The following ZWILCH variants were observed in gnomAD, a reference collection of about 807,000 sequenced individuals.
ZWILCH encodes zwilch kinetochore protein, also known as protein zwilch homolog.
Under a neutral mutation model 79.9 loss-of-function variants are expected in ZWILCH, and 74 were observed. The ratio of observed to expected loss-of-function variants is 0.93; its 90% CI spans 0.77 to 1.12. The LOEUF is 1.12. Ranked by LOEUF, ZWILCH falls within the 50% of genes most tolerant of loss-of-function variation. ZWILCH has a pLI of 0.00. For missense variants in ZWILCH, 694 were observed against 687.5 expected, an observed-to-expected ratio of 1.01 and a Z score of -0.11; for synonymous variants, 241 against 228.2, an observed-to-expected ratio of 1.06 and a Z score of -0.51.
chr15:66,523,453 A>C, intron 7 of ZWILCH: 1 of 424,430 alleles, frequency 2.4e-6, no homozygotes, highest in Non-Finnish European at 4.2e-6. Context: ...TGTTTATGTC[A>C]TAGAAAGAGG....
chr15:66,534,930 C>G (rs1487051839), intron 14 of ZWILCH, among the ~76,000 whole-genome samples: 1 of 152,062 alleles, frequency 6.6e-6, no homozygotes, highest in African/African-American at 2.4e-5. Context: ...TTAAATTTTT[C>G]TAAACTTTTT....
At position 66,549,078 on chromosome 15, in the gene ZWILCH, T is replaced by C. The variant is rs1895494663; in HGVS notation, c.*754T>C. The C allele has an allele frequency of 6.5e-6, 1 of 152,758 alleles. No individual in the cohort carries two copies. 9.5% of individuals were successfully genotyped at this position (152,758 alleles called of 1,614,324 possible). ...CTTGTATAGTTAAATAATAATCTTT[T>C]TAAGAGTTAATGATAAGCATATGTT... On this transcript the variant is annotated 3_prime_UTR_variant, in exon 19 of 19. Coordinates refer to ENST00000307897, the MANE Select transcript of ZWILCH (RefSeq NM_017975.5).
intron 2 of ZWILCH, among the ~76,000 whole-genome samples, chr15:66,510,447 C>T (rs1016498605): frequency 4.6e-5 from 7 of 150,544 alleles, no homozygotes; most frequent in African/African-American, 1.5e-4. Flanking sequence ...AGGCAAAGGA[C>T]ACGAGTAAGT....
Position 66,515,627 on chromosome 15 carries a change from A to T in ZWILCH, c.303A>T (p.Leu101Phe), listed in dbSNP as rs918564740. 1.2e-6 allele frequency: 2 copies of T among 1,612,660 alleles called. No individual in the cohort carries two copies. The highest frequency in any genetic ancestry group is 1.7e-6 in the Non-Finnish European group (2 of 1,179,106). Reference protein sequence around the residue: ...STGENVGPLALPVGKARQLIG... With the variant: ...STGENVGPLAFPVGKARQLIG... ...GCGAAAATGTTGGACCACTTGCTTTACCAGTTGGGAAGGCAAGGTAGGTTT... is the reference window on the plus strand; with the variant it reads ...GCGAAAATGTTGGACCACTTGCTTTTCCAGTTGGGAAGGCAAGGTAGGTTT... Residue 101 changes from leucine (L) to phenylalanine (F), a missense_variant, in exon 4 of 19, where the codon TTA becomes TTT. By Grantham distance (22) the Leu-to-Phe change is conservative. Transcript: ENST00000307897.
chr15:66,506,552 C>A (rs144186226), intron 1 of ZWILCH, among the ~76,000 whole-genome samples: 488 of 152,182 alleles, frequency 3.2e-3, no homozygotes, highest in South Asian at 0.015. Flanking sequence ...ACCTGTAATC[C>A]CAGCTACTTG....
chr15:66,521,108 C>G lies in ZWILCH; in HGVS notation c.650C>G (p.Thr217Arg), dbSNP rs140389510. The G allele has an allele frequency of 1.5e-3, 2,401 of 1,614,150 alleles. 13 individuals are homozygous for G. Among genetic ancestry groups the G allele is most frequent in the Non-Finnish European group, 1.2e-3 (1,465 of 1,180,026 alleles). The change falls in exon 7 of 19, where the codon ACA becomes AGA. Residue 217 changes from threonine to arginine, a missense_variant. Coordinates refer to ENST00000307897, the MANE Select transcript of ZWILCH (RefSeq NM_017975.5). ...TTTAAGTCCTCTGCCTTGGATGATACAATCACAGCATCACAAACTGCGATC... is the reference window on the plus strand; with the variant it reads ...TTTAAGTCCTCTGCCTTGGATGATAGAATCACAGCATCACAAACTGCGATC... The part of the protein sequence containing the change: ...ELFKSSALDD[T>R]ITASQTAIAL...
At chr15:66,538,993 C>G (rs1244016891) in intron 16 of ZWILCH, among the ~76,000 whole-genome samples, 1 of 152,100 alleles carries the variant, frequency 6.6e-6, no homozygotes, top group Non-Finnish European at 1.5e-5. Flanking sequence ...AGCTTCAGAC[C>G]CATCTTTCTA....
chr15:66,541,989 TAA>T (rs902628276), intron 17 of ZWILCH, among the ~76,000 whole-genome samples: 35 of 152,206 alleles, frequency 2.3e-4, no homozygotes, highest in African/African-American at 7.5e-4. Context: ...AGTTGAACTA[TAA>T]AAGTCATAAC....
chr15:66,518,561 C>T (rs966670839), intron 4 of ZWILCH, among the ~76,000 whole-genome samples: 6 of 152,112 alleles, frequency 3.9e-5, no homozygotes, highest in African/African-American at 1.2e-4. Flanking sequence ...GCCTATAATC[C>T]CAACACTTTG....
At chr15:66,512,181 T>G (rs1484814407) in intron 2 of ZWILCH, among the ~76,000 whole-genome samples, 2 of 152,196 alleles carry the variant, frequency 1.3e-5, no homozygotes, top group African/African-American at 2.4e-5. Context: ...ACACAGACAT[T>G]CATGATATAA....
chr15:66,537,290 G>A (rs768323878), intron 16 of ZWILCH, 27 bp downstream of exon 16: 2 of 1,519,296 alleles, frequency 1.3e-6, no homozygotes, highest in East Asian at 4.5e-5. Context: ...AGGCATGGTG[G>A]CTCATGCCTG....
At chr15:66,509,460 T>C (rs1893946875) in intron 2 of ZWILCH, among the ~76,000 whole-genome samples, 1 of 152,170 alleles carries the variant, frequency 6.6e-6, no homozygotes, top group Non-Finnish European at 1.5e-5. Flanking sequence ...TCAATTAGTA[T>C]AATGCATTTA....
rs545912418 is a variant in ZWILCH at position 66,541,115 on chromosome 15, C to CAA, written c.1687+918_1687+919dup. ...GCAACATGGAGAAACCCCATCTCTA[C>CAA]AAAAAAAAAAAAAATACAAAAATTA... On this transcript the variant is annotated intron_variant, in intron 17 of 18. Coordinates refer to ENST00000307897, the MANE Select transcript of ZWILCH (RefSeq NM_017975.5). 5.4e-3 allele frequency among the ~76,000 whole-genome samples: 641 copies of CAA among 118,538 alleles called. 4 individuals carry two copies. Among genetic ancestry groups the CAA allele is most frequent in the African/African-American group, 0.019 (609 of 32,366 alleles). 77.8% of individuals were successfully genotyped at this position (118,538 alleles called of 152,430 possible).
At chr15:66,532,715 G>T (rs1187621055) in intron 13 of ZWILCH, among the ~76,000 whole-genome samples, 1 of 151,772 alleles carries the variant, frequency 6.6e-6, no homozygotes, top group Non-Finnish European at 1.5e-5. Flanking sequence ...CCTACACTTG[G>T]TTGTTTTTAA....
chr15:66,537,707 TAATG>T (rs780138394), intron 16 of ZWILCH, among the ~76,000 whole-genome samples: 140 of 152,108 alleles, frequency 9.2e-4, no homozygotes, highest in Admixed American at 1.3e-3. Context: ...ATAATAATAA[TAATG>T]ATAATAAATA....
intron 17 of ZWILCH, among the ~76,000 whole-genome samples, chr15:66,544,358 G>T (rs1037041648): frequency 1.3e-5 from 2 of 152,082 alleles, no homozygotes; most frequent in African/African-American, 4.8e-5. Flanking sequence ...TTGAGACAGG[G>T]TCTTGCTCTG....
intron 17 of ZWILCH, among the ~76,000 whole-genome samples, chr15:66,542,857 A>T (rs926304647): frequency 6.6e-6 from 1 of 152,134 alleles, no homozygotes; most frequent in African/African-American, 2.4e-5. Flanking sequence ...ACCATGCTCA[A>T]CCTCACCTAT....
At chr15:66,512,174 C>T (rs118175086) in intron 2 of ZWILCH, among the ~76,000 whole-genome samples, 2,714 of 152,186 alleles carry the variant, frequency 0.018, 35 homozygotes, top group Non-Finnish European at 0.025. Context: ...TTGAATGACA[C>T]AGACATTCAT....
At position 66,514,187 on chromosome 15, in the gene ZWILCH, T is replaced by C. The variant is rs1021229506; in HGVS notation, c.201+104T>C. ...GTTTTAAAATCAGCATCGGTGAAAATGAGTTCTCATTCTTTTAGGAGTAAG... is the reference window on the plus strand; with the variant it reads ...GTTTTAAAATCAGCATCGGTGAAAACGAGTTCTCATTCTTTTAGGAGTAAG... On this transcript the variant is annotated intron_variant, in intron 3 of 18. Coordinates refer to ENST00000307897, the MANE Select transcript of ZWILCH (RefSeq NM_017975.5). The C allele has an allele frequency of 3.6e-5, 25 of 690,336 alleles. No homozygotes were observed. In the Admixed American group the frequency reaches 7.2e-4, roughly 20 times the overall value. 42.8% of individuals were successfully genotyped at this position (690,336 alleles called of 1,614,324 possible).
Sources: allele counts gnomAD v4.1 joint callset (sites outside exome capture counted in the v4.1 genomes callset), GRCh38; gene constraint gnomAD v4.1.1; transcripts MANE v1.5; gene names NCBI Gene and HGNC (gene_info 2026-07-23, HGNC 2026-07-21).